The following TMEM232 variants were observed in gnomAD, a reference collection of about 807,000 sequenced individuals.
TMEM232 encodes the protein transmembrane protein 232.
In TMEM232, 80 loss-of-function variants were observed where a neutral mutation model predicts 78.8. The observed-to-expected ratio is 1.01, with a 90% confidence interval of 0.85 to 1.22. The LOEUF is 1.22. TMEM232 is among the 50% of genes most tolerant of loss of function. The pLI is 0.00. For missense variants in TMEM232, 881 were observed against 742.2 expected, an observed-to-expected ratio of 1.19 and a Z score of -2.17; for synonymous variants, 297 against 254.3, an observed-to-expected ratio of 1.17 and a Z score of -1.60.
intron 6 of TMEM232, 100 bp from the exon 7 acceptor site, chr5:110,625,533 T>C (rs1784317921): frequency 4.6e-6 from 5 of 1,088,250 alleles, no homozygotes; most frequent in Non-Finnish European, 6.1e-6. Flanking sequence ...ATTCAGTACT[T>C]AGATGCAGAA....
intron 13 of TMEM232, among the ~76,000 whole-genome samples, chr5:110,423,370 A>G (rs1394046914): frequency 6.6e-6 from 1 of 152,210 alleles, no homozygotes; most frequent in Non-Finnish European, 1.5e-5. Context: ...AACCACTGCA[A>G]GAGCATTTTT....
At chr5:110,500,142 A>G (rs958248705) in intron 12 of TMEM232, among the ~76,000 whole-genome samples, 5 of 152,010 alleles carry the variant, frequency 3.3e-5, no homozygotes, top group African/African-American at 1.2e-4. Context: ...AAATACAAAA[A>G]TTAGCCAGGT....
intron 8 of TMEM232, among the ~76,000 whole-genome samples, chr5:110,609,434 A>T (rs1301834439): frequency 6.6e-6 from 1 of 152,106 alleles, no homozygotes; most frequent in African/African-American, 2.4e-5. Flanking sequence ...TATTTTGCAT[A>T]GAATCAGAGA....
chr5:110,549,605 CA>C (rs1209595068), intron 11 of TMEM232, among the ~76,000 whole-genome samples: 12,519 of 45,780 alleles, frequency 0.27, 468 homozygotes, highest in African/African-American at 0.42. Flanking sequence ...GTCCCTGTCT[CA>C]AAAAAAAAAA....
intron 12 of TMEM232, among the ~76,000 whole-genome samples, chr5:110,437,251 T>C (rs2112727085): frequency 1.3e-5 from 2 of 152,090 alleles, no homozygotes; most frequent in Non-Finnish European, 2.9e-5. Context: ...AGATTGTTCA[T>C]TGCTGGCATA....
At chr5:110,691,145 G>GA (rs113172226) in intron 1 of TMEM232, among the ~76,000 whole-genome samples, 129,890 of 139,146 alleles carry the variant, frequency 0.93, 60,973 homozygotes, top group Non-Finnish European at 0.99. Context: ...AAAGTATAAG[G>GA]AAAAAAAAAA....
At chr5:110,458,476 G>A (rs528141468) in intron 12 of TMEM232, among the ~76,000 whole-genome samples, 1 of 152,284 alleles carries the variant, frequency 6.6e-6, no homozygotes, top group Admixed American at 6.5e-5. Flanking sequence ...ACAAGGCATA[G>A]GCCCTGGCAG....
At chr5:110,509,674 C>T (rs1274039881) in intron 12 of TMEM232, among the ~76,000 whole-genome samples, 2 of 151,918 alleles carry the variant, frequency 1.3e-5, no homozygotes, top group African/African-American at 4.8e-5. Flanking sequence ...TTTAATAAAA[C>T]AATTTACAAA....
rs1043363013 is a variant in TMEM232, at chr5:110,411,781, C to T, written n.308+13042G>A. Among the ~76,000 whole-genome samples, 8 of 152,196 alleles carry T rather than the reference C, an allele frequency of 5.3e-5. No homozygotes were observed. In the East Asian group the frequency reaches 1.5e-3, roughly 29 times the overall value. ...ATGTATCAGAATGTCTTTTTAAAGG[C>T]TGAGTAATATTCCATTGTATGTATA... On this transcript the variant is annotated intron_variant and non_coding_transcript_variant, in intron 2 of 8. Coordinates refer to the TMEM232 transcript ENST00000507188.
intron 12 of TMEM232, among the ~76,000 whole-genome samples, chr5:110,430,681 G>A (rs1757732550): frequency 1.3e-5 from 2 of 151,478 alleles, no homozygotes; most frequent in Admixed American, 1.3e-4. Context: ...GAATTTTTAT[G>A]TTAAATTCTA....
At chr5:110,427,739 G>A (rs1177549210) in intron 12 of TMEM232, among the ~76,000 whole-genome samples, 1 of 151,848 alleles carries the variant, frequency 6.6e-6, no homozygotes, top group African/African-American at 2.4e-5. Context: ...TCCTGGGCTT[G>A]TAGATACTTC....
intron 11 of TMEM232, among the ~76,000 whole-genome samples, chr5:110,541,680 G>A (rs944779211): frequency 5.3e-5 from 8 of 150,972 alleles, no homozygotes; most frequent in South Asian, 4.1e-4. Context: ...CATAAAAAAC[G>A]TGGTTCAGCT....
At chr5:110,556,074 C>A (rs755732852) in intron 11 of TMEM232, among the ~76,000 whole-genome samples, 3 of 152,046 alleles carry the variant, frequency 2.0e-5, no homozygotes, top group Non-Finnish European at 4.4e-5. Context: ...TGCTTTATGG[C>A]GTAAATGATC....
At chr5:110,528,915 A>T (rs1232591843) in intron 11 of TMEM232, 80 bp from the exon 12 acceptor site, 2 of 1,161,854 alleles carry the variant, frequency 1.7e-6, no homozygotes, top group Non-Finnish European at 2.2e-6. Flanking sequence ...TAAATTTTTT[A>T]AAGTATCTTT....
chr5:110,457,356 C>T (rs1761019419), intron 12 of TMEM232, among the ~76,000 whole-genome samples: 2 of 152,014 alleles, frequency 1.3e-5, no homozygotes, highest in South Asian at 4.1e-4. Context: ...TAACAAACAA[C>T]CAAAATACTG....
intron 1 of TMEM232, among the ~76,000 whole-genome samples, chr5:110,737,002 T>A (rs1799241724): frequency 3.7e-5 from 5 of 134,686 alleles, no homozygotes; most frequent in Non-Finnish European, 4.8e-5. Context: ...TTCCTTATTC[T>A]AAAAAAAAAA....
intron 12 of TMEM232, among the ~76,000 whole-genome samples, chr5:110,439,427 G>A (rs919797833): frequency 3.9e-5 from 6 of 151,966 alleles, no homozygotes; most frequent in African/African-American, 1.5e-4. Flanking sequence ...TTGTTCTGAT[G>A]TCACCCCTCC....
intron 2 of TMEM232, among the ~76,000 whole-genome samples, chr5:110,647,509 A>G (rs1352908042): frequency 3.3e-5 from 5 of 151,974 alleles, no homozygotes; most frequent in African/African-American, 1.2e-4. Flanking sequence ...TTTATTGTGT[A>G]AAAATATGAA....
upstream of TMEM232, among the ~76,000 whole-genome samples, chr5:110,730,275 A>C (rs1178825578): frequency 1.3e-5 from 2 of 152,238 alleles, no homozygotes; most frequent in African/African-American, 4.8e-5. Flanking sequence ...ACAATCTGAC[A>C]CCAAAAGTGA....
Sources: allele counts gnomAD v4.1 joint callset (sites outside exome capture counted in the v4.1 genomes callset), GRCh38; gene constraint gnomAD v4.1.1; transcripts MANE v1.5; gene names NCBI Gene and HGNC (gene_info 2026-07-23, HGNC 2026-07-21).